The following PNKD variants were observed in gnomAD, a reference collection of about 807,000 sequenced individuals.
PNKD encodes probable thioesterase PNKD.
Under a neutral mutation model 45.3 loss-of-function variants are expected in PNKD, and 36 were observed. The ratio of observed to expected loss-of-function variants is 0.80; its 90% CI spans 0.61 to 1.05. PNKD has a LOEUF of 1.05. Ranked by LOEUF, PNKD falls within the 50% of genes least tolerant of loss-of-function variation. The probability of loss-of-function intolerance (pLI) is 0.00; values close to 1 mark genes in which losing one functional copy is unlikely to be tolerated. For synonymous variants in PNKD, 197 were observed against 210.1 expected (o/e 0.94, Z 0.54); for missense variants, 511 against 506.6 (o/e 1.01, Z -0.08).
chr2:218,313,558 C>T (rs1357105034), intron 2 of PNKD, among the ~76,000 whole-genome samples: 1 of 152,170 alleles, frequency 6.6e-6, no homozygotes, highest in Non-Finnish European at 1.5e-5. Flanking sequence ...ACACTGAGTT[C>T]CACAGAACCT....
chr2:218,341,538 C>A lies in PNKD; in HGVS notation c.529C>A (p.His177Asn). 1.3e-6 allele frequency: 2 copies of A among 1,596,108 alleles called. No individual in the cohort carries two copies. The highest frequency in any genetic ancestry group is 2.7e-5 in the African/African-American group (2 of 74,622). ...CCTGTCTCTGCTGTCCTGCAGGGAC[C>A]ACAGTGGAGGGAACCGTGACCTCAG... ...AILCTHKHWD[H>N]SGGNRDLSRR... The change falls in exon 6 of 10, where the codon CAC (histidine) becomes AAC (asparagine). Residue 177 changes from histidine to asparagine, a missense_variant. Coordinates refer to ENST00000273077, the MANE Select transcript of PNKD (RefSeq NM_015488.5).
At chr2:218,311,366 C>A (rs1693611336) in intron 2 of PNKD, among the ~76,000 whole-genome samples, 1 of 152,178 alleles carries the variant, frequency 6.6e-6, no homozygotes, top group Admixed American at 6.6e-5. Flanking sequence ...GTCCAAGGGA[C>A]CGGCGCTCAG....
intron 2 of PNKD, among the ~76,000 whole-genome samples, chr2:218,324,170 G>A (rs1199379013): frequency 3.3e-5 from 5 of 150,266 alleles, no homozygotes; most frequent in East Asian, 2.0e-4. Flanking sequence ...AGCAAGCACT[G>A]TTCAGCCCCA....
At chr2:218,288,854 G>C (rs1692729382) in intron 2 of PNKD, among the ~76,000 whole-genome samples, 1 of 152,076 alleles carries the variant, frequency 6.6e-6, no homozygotes. Flanking sequence ...TCCCATTTTG[G>C]ATAAGAGACA....
intron 2 of PNKD, chr2:218,278,398 C>T: frequency 9.3e-7 from 1 of 1,076,968 alleles, no homozygotes; most frequent in South Asian, 1.3e-5. Flanking sequence ...TCATCCTCCT[C>T]CTCATTTCTT....
At chr2:218,322,124 G>GT (rs1477503046) in intron 2 of PNKD, among the ~76,000 whole-genome samples, 1 of 151,478 alleles carries the variant, frequency 6.6e-6, no homozygotes, top group Non-Finnish European at 1.5e-5. Flanking sequence ...GTTTCTCCAT[G>GT]TTGGTCAAGC....
At chr2:218,325,574 G>T (rs1465022466) in intron 2 of PNKD, among the ~76,000 whole-genome samples, 1 of 152,090 alleles carries the variant, frequency 6.6e-6, no homozygotes, top group Non-Finnish European at 1.5e-5. Flanking sequence ...AGCCTTATCT[G>T]GGGAAAGATT....
chr2:218,286,203 GTTTTTC>G (rs1692495143), intron 2 of PNKD: 1 of 152,052 alleles, frequency 6.6e-6, no homozygotes, highest in South Asian at 2.1e-4. Context: ...GCTTGTTTTT[GTTTTTC>G]TTTTTGTTTT....
At chr2:218,308,472 C>T (rs1422090701) in intron 2 of PNKD, among the ~76,000 whole-genome samples, 1 of 152,040 alleles carries the variant, frequency 6.6e-6, no homozygotes, top group African/African-American at 2.4e-5. Context: ...CAGGCACGAG[C>T]CACCGTGCCC....
chr2:218,314,609 T>C (rs1574690127), intron 2 of PNKD, among the ~76,000 whole-genome samples: 1 of 152,206 alleles, frequency 6.6e-6, no homozygotes, highest in East Asian at 1.9e-4. Flanking sequence ...AATTTATTAA[T>C]TGAGGTCATT....
At chr2:218,343,973 T>A (rs1453097095) in intron 8 of PNKD, among the ~76,000 whole-genome samples, 1 of 152,260 alleles carries the variant, frequency 6.6e-6, no homozygotes, top group Non-Finnish European at 1.5e-5. Flanking sequence ...CATAAAAACA[T>A]TCACAGATAT....
chr2:218,315,080 T>TTC (rs3055250), intron 2 of PNKD, among the ~76,000 whole-genome samples: 3 of 92,104 alleles, frequency 3.3e-5, no homozygotes, highest in African/African-American at 1.0e-4. Flanking sequence ...CTTCCTTTCT[T>TTC]TCTCTCTCTC....
chr2:218,344,887 G>C lies in PNKD; in HGVS notation c.1064G>C (p.Gly355Ala). 6.2e-7 allele frequency: 1 copy of C among 1,613,980 alleles called. No homozygotes were observed. Among genetic ancestry groups the C allele is most frequent in the Non-Finnish European group, 8.5e-7 (1 of 1,179,878 alleles). The change falls in exon 10 of 10, where the codon GGG (glycine) becomes GCG (alanine). Residue 355 changes from glycine to alanine, a missense_variant. By Grantham distance (60) the Gly-to-Ala change is moderately conservative (BLOSUM62 0). Transcript: ENST00000273077. Reference protein sequence around the residue: ...THCLALQEALGPGPGPTGDDD... With the variant: ...THCLALQEALAPGPGPTGDDD... ...TGCCTGGCGCTACAGGAGGCTCTGG[G>C]GCCGGGGCCGGGCCCCACTGGGGAT...
chr2:218,341,558 C>T lies in PNKD; in HGVS notation c.549C>T (p.Asp183=). The T allele has an allele frequency of 6.2e-7, 1 of 1,602,430 alleles. No homozygotes were observed. Residue 183 remains aspartate, a synonymous_variant, in exon 6 of 10, where the codon GAC becomes GAT. Transcript: ENST00000273077. ...KHWDHSGGNR[D]LSRRHRDCRV... Reference sequence around the variant, plus strand: ...GGGACCACAGTGGAGGGAACCGTGACCTCAGCCGGCGGCACCGGGACTGTC... The same window carrying T: ...GGGACCACAGTGGAGGGAACCGTGATCTCAGCCGGCGGCACCGGGACTGTC...
intron 2 of PNKD, among the ~76,000 whole-genome samples, chr2:218,299,503 G>A (rs187615930): frequency 6.6e-6 from 1 of 152,200 alleles, no homozygotes; most frequent in African/African-American, 2.4e-5. Context: ...GGAGTGCAGC[G>A]AAGCAGTCAT....
rs781140528 is a variant in PNKD at position 218,339,887 on chromosome 2, G to A, written c.341G>A (p.Arg114His). The change falls in exon 3 of 10, where the codon CGC (arginine) becomes CAC (histidine). Residue 114 changes from arginine to histidine, a missense_variant. Transcript: ENST00000273077. ...AAAGGCCACTCGAAAACCCAGCCCC[G>A]CCTCTTCAATGGTGAGCTCTGACTG... ...YPKGHSKTQP[R>H]LFNGVKVLPI... 17 of 1,607,946 alleles carry A rather than the reference G, an allele frequency of 1.1e-5. No homozygotes were observed. The highest frequency in any genetic ancestry group is 5.5e-5 in the South Asian group (5 of 90,544).
intron 2 of PNKD, chr2:218,276,201 GA>G: frequency 1.9e-6 from 2 of 1,028,052 alleles, no homozygotes; most frequent in Non-Finnish European, 2.9e-6. Flanking sequence ...AGCTCTCCAT[GA>G]AAGGCTACTG....
chr2:218,280,354 G>A (rs1691772059), intron 2 of PNKD: 1 of 482,838 alleles, frequency 2.1e-6, no homozygotes, highest in Non-Finnish European at 3.8e-6. Flanking sequence ...CATCTGTGGA[G>A]GGCTCCTGTG....
chr2:218,316,853 C>T (rs907095820), intron 2 of PNKD: 2 of 152,140 alleles, frequency 1.3e-5, no homozygotes, highest in Non-Finnish European at 2.9e-5. Flanking sequence ...CAGCCCTGCC[C>T]GTGAGGTAGG....
Sources: allele counts gnomAD v4.1 joint callset (sites outside exome capture counted in the v4.1 genomes callset), GRCh38; gene constraint gnomAD v4.1.1; transcripts MANE v1.5; gene names NCBI Gene and HGNC (gene_info 2026-07-23, HGNC 2026-07-21).